ADAMTS17: variants seen among roughly 807,000 people sequenced by gnomAD.
ADAMTS17 encodes the protein ADAM metallopeptidase with thrombospondin type 1 motif 17.
Under a neutral mutation model 141.5 loss-of-function variants are expected in ADAMTS17, and 113 were observed. The observed-to-expected ratio is 0.80, with a 90% confidence interval of 0.69 to 0.93. The LOEUF (loss-of-function observed/expected upper bound fraction) is 0.93. ADAMTS17 is among the 40% of genes least tolerant of loss of function. The pLI is 0.00. For synonymous variants in ADAMTS17, 768 were observed against 630.6 expected (o/e 1.22, Z -3.27); for missense variants, 1,659 against 1,517.9 (o/e 1.09, Z -1.54).
chr15:100,127,049 G>A (rs900542023), intron 12 of ADAMTS17, among the ~76,000 whole-genome samples: 1 of 152,220 alleles, frequency 6.6e-6, no homozygotes, highest in Admixed American at 6.5e-5. Context: ...GAAAGGAAAA[G>A]GGTAAGTTAA....
At chr15:100,282,861 G>A (rs555644424) in intron 3 of ADAMTS17, among the ~76,000 whole-genome samples, 7 of 152,210 alleles carry the variant, frequency 4.6e-5, no homozygotes, top group South Asian at 2.1e-4. Flanking sequence ...TAGAGAAGCC[G>A]ATATAAATCT....
chr15:100,053,854 G>A (rs2032334175), intron 16 of ADAMTS17, 43 bp downstream of exon 16: 1 of 1,614,014 alleles, frequency 6.2e-7, no homozygotes, highest in Admixed American at 1.7e-5. Flanking sequence ...AGACCTCTCG[G>A]AGCCACACCC....
intron 4 of ADAMTS17, among the ~76,000 whole-genome samples, chr15:100,264,761 A>T (rs1181058609): frequency 1.3e-5 from 2 of 152,006 alleles, no homozygotes; most frequent in African/African-American, 4.8e-5. Context: ...AATGCCACTA[A>T]AAAGGTGAGA....
rs547799043 is a variant in ADAMTS17 at position 100,152,997 on chromosome 15, C to T, written c.1323-235G>A. Among the ~76,000 whole-genome samples the T allele has an allele frequency of 6.6e-4, 17 of 25,802 alleles. No individual in the cohort carries two copies. In the South Asian group the frequency reaches 0.021, roughly 31 times the overall value. The allele number at this position is 25,802 out of a possible 152,430, so 16.9% of individuals were successfully genotyped here. The stretch of plus-strand genomic sequence containing the variant: ...TGAAGGTAGTAAGAACCTGGAGACT[C>T]GGGAGGGGCATAGGAACGACATCCA... On this transcript the variant is annotated intron_variant, in intron 9 of 21. Transcript: ENST00000268070.
Position 100,133,222 on chromosome 15 carries a change from C to A in ADAMTS17, c.1567G>T (p.Ala523Ser). 6.3e-7 allele frequency: 1 copy of A among 1,591,264 alleles called. No individual in the cohort carries two copies. Among genetic ancestry groups the A allele is most frequent in the Non-Finnish European group, 8.6e-7 (1 of 1,167,360 alleles). Residue 523 changes from alanine (A) to serine (S), a missense_variant, in exon 11 of 22, where the codon GCA becomes TCA. Physicochemically the swap from Ala to Ser is moderately conservative, Grantham distance 99. Coordinates refer to ENST00000268070, the MANE Select transcript of ADAMTS17 (RefSeq NM_139057.4). ...DPPLDGTECG[A>S]DKWCRAGECV... The stretch of plus-strand genomic sequence containing the variant: ...GGGAAGTCAGAGGTTACCTTGTCTG[C>A]CCCACACTCGGTGCCATCCAGGGGA...
chr15:100,090,132 A>C (rs2035363438), intron 15 of ADAMTS17, among the ~76,000 whole-genome samples: 1 of 152,166 alleles, frequency 6.6e-6, no homozygotes, highest in African/African-American at 2.4e-5. Flanking sequence ...TTCTACAGCA[A>C]ATCTCTCTTA....
At position 100,013,601 on chromosome 15, in the gene ADAMTS17, G is replaced by A. The variant is rs570416139; in HGVS notation, c.2592-16012C>T. Among the ~76,000 whole-genome samples the A allele has an allele frequency of 9.0e-4, 137 of 152,162 alleles. 3 individuals carry two copies. In the South Asian group the frequency reaches 0.022, roughly 25 times the overall value. ...GAAAGTTTTAATCATAAAGCGATGC[G>A]GGATTTTGTCAAATGCTTTCTCTGC... On this transcript the variant is annotated intron_variant, in intron 18 of 21. Transcript: ENST00000268070.
intron 8 of ADAMTS17, among the ~76,000 whole-genome samples, chr15:100,180,330 T>C (rs1022454611): frequency 1.3e-5 from 2 of 152,210 alleles, no homozygotes; most frequent in Non-Finnish European, 2.9e-5. Flanking sequence ...TCACTGTAGA[T>C]GTATGAATTT....
intron 8 of ADAMTS17, among the ~76,000 whole-genome samples, chr15:100,197,379 A>G (rs2041159888): frequency 6.6e-6 from 1 of 152,152 alleles, no homozygotes; most frequent in Non-Finnish European, 1.5e-5. Flanking sequence ...TCTCATAATC[A>G]TTAGGTAATT....
chr15:100,124,193 T>C (rs1422131064), intron 12 of ADAMTS17, among the ~76,000 whole-genome samples: 1 of 152,176 alleles, frequency 6.6e-6, no homozygotes, highest in Non-Finnish European at 1.5e-5. Flanking sequence ...CATGAACTCC[T>C]GGCCTCAGGT....
chr15:100,162,970 A>ATATATGTGTATATATAACTATATATG (rs1567286258), intron 8 of ADAMTS17, among the ~76,000 whole-genome samples: 5 of 113,016 alleles, frequency 4.4e-5, no homozygotes, highest in Non-Finnish European at 8.3e-5. Flanking sequence ...CTATATATGT[A>ATATATGTGTATATATAACTATATATG]TATATATGTG....
rs577591070 is a variant in ADAMTS17, at chr15:100,299,376, A to G, written c.617-17975T>C. On this transcript the variant is annotated intron_variant, in intron 3 of 21. Transcript: ENST00000268070. ...CTCACAGCCCCACCAAGACACATTCAGCAAATCCGCAAAAAACAAACGCCA... is the reference window on the plus strand; with the variant it reads ...CTCACAGCCCCACCAAGACACATTCGGCAAATCCGCAAAAAACAAACGCCA... Among the ~76,000 whole-genome samples, 6 of 152,072 alleles carry G rather than the reference A, an allele frequency of 3.9e-5. No individual in the cohort carries two copies. The South Asian group carries it at 1.3e-3, about 32-fold the overall frequency.
chr15:100,232,177 G>T (rs1180932169), intron 7 of ADAMTS17, among the ~76,000 whole-genome samples: 1 of 152,228 alleles, frequency 6.6e-6, no homozygotes, highest in African/African-American at 2.4e-5. Context: ...GGCAGCTCTA[G>T]ATTTCATTAC....
intron 21 of ADAMTS17, 140 bp from the exon 22 acceptor site, chr15:99,974,702 C>T (rs1224111518): frequency 4.3e-6 from 5 of 1,156,990 alleles, no homozygotes; most frequent in South Asian, 2.6e-5. Context: ...CTGATTAGGC[C>T]ATGCCTCCTG....
chr15:100,312,647 G>T (rs1161055006), intron 3 of ADAMTS17, among the ~76,000 whole-genome samples: 1 of 152,210 alleles, frequency 6.6e-6, no homozygotes, highest in East Asian at 1.9e-4. Flanking sequence ...CCCTTCAGGA[G>T]TCAGCAAAGC....
intron 20 of ADAMTS17, chr15:99,976,534 A>G: frequency 1.8e-6 from 1 of 542,120 alleles, no homozygotes; most frequent in South Asian, 2.0e-5. Flanking sequence ...GACTGTTTCA[A>G]GATGTTATGG....
chr15:100,017,344 A>G (rs905138646), intron 18 of ADAMTS17, among the ~76,000 whole-genome samples: 1 of 152,174 alleles, frequency 6.6e-6, no homozygotes, highest in Non-Finnish European at 1.5e-5. Context: ...TGGAATCTGC[A>G]CACTGGATTT....
At chr15:100,239,290 C>CGTTCTCAGCAGATGGTAGCT in intron 7 of ADAMTS17, among the ~76,000 whole-genome samples, 1 of 152,206 alleles carries the variant, frequency 6.6e-6, no homozygotes, top group Non-Finnish European at 1.5e-5. Context: ...AAGACCATGA[C>CGTTCTCAGCAGATGGTAGCT]GTTCTCAGCA....
intron 4 of ADAMTS17, among the ~76,000 whole-genome samples, chr15:100,279,707 G>C (rs576980068): frequency 6.6e-6 from 1 of 152,040 alleles, no homozygotes; most frequent in Non-Finnish European, 1.5e-5. Flanking sequence ...CCTCACACTC[G>C]GAACCTTCGC....
Sources: gnomAD v4.1 joint callset for allele counts (sites outside exome capture counted in the v4.1 genomes callset) on GRCh38, gnomAD v4.1.1 for gene constraint, MANE v1.5 for transcripts, NCBI Gene and HGNC (gene_info 2026-07-23, HGNC 2026-07-21) for gene names.